Variants in KCNH1 observed in about 807,000 individuals in gnomAD.
KCNH1 encodes potassium voltage-gated channel subfamily H member 1.
KCNH1 carries 27 observed loss-of-function variants against 69.2 expected under a neutral mutation model. The observed-to-expected ratio is 0.39, with a 90% confidence interval of 0.29 to 0.54. KCNH1 has a LOEUF of 0.54. Ranked by LOEUF, KCNH1 falls within the 20% of genes least tolerant of loss-of-function variation. The pLI is 0.68. For synonymous variants in KCNH1, 456 were observed against 487.7 expected (o/e 0.93, Z 0.86); for missense variants, 798 against 1,261.6 (o/e 0.63, Z 5.57).
intron 5 of KCNH1, among the ~76,000 whole-genome samples, chr1:211,023,712 G>C (rs955315577): frequency 2.6e-5 from 4 of 151,906 alleles, no homozygotes; most frequent in Non-Finnish European, 5.9e-5. Context: ...ATTTCAGCTA[G>C]AGTAAAAAAA....
intron 7 of KCNH1, 140 bp from the exon 8 acceptor site, chr1:210,804,306 C>G (rs1438685765): frequency 7.4e-6 from 5 of 678,784 alleles, no homozygotes; most frequent in African/African-American, 3.6e-5. Flanking sequence ...TGACTATTCT[C>G]AGGAGACCCT....
chr1:210,716,829 T>C (rs753299932), intron 10 of KCNH1, among the ~76,000 whole-genome samples: 32 of 152,166 alleles, frequency 2.1e-4, no homozygotes, highest in Non-Finnish European at 4.3e-4. Context: ...CATACACTTA[T>C]AGATAATCAC....
chr1:210,848,618 C>A lies in KCNH1; in HGVS notation c.1463-44452G>T, dbSNP rs560446365. Reference sequence around the variant, plus strand: ...ATAAGTACCATCTTCTCTGTCCCATCTTTTGAATAACAGCATAAATCTGCG... The same window carrying A: ...ATAAGTACCATCTTCTCTGTCCCATATTTTGAATAACAGCATAAATCTGCG... On this transcript the variant is annotated intron_variant, in intron 7 of 10. Coordinates refer to ENST00000271751, the MANE Select transcript of KCNH1 (RefSeq NM_172362.3). Among the ~76,000 whole-genome samples the A allele has an allele frequency of 2.6e-5, 4 of 152,260 alleles. No individual in the cohort carries two copies. In the East Asian group the frequency reaches 7.7e-4, roughly 29 times the overall value.
In KCNH1 at chr1:210,956,191, G is replaced by A. The variant is rs914767395; in HGVS notation, c.1033-36122C>T. ...GGTTTATGTCGTTGGTTCTGTTTAT[G>A]TGATGGATTACGTTTACTGATTTGA... On this transcript the variant is annotated intron_variant, in intron 6 of 10. Transcript: ENST00000271751. 4.6e-5 allele frequency among the ~76,000 whole-genome samples: 7 copies of A among 152,280 alleles called. No individual in the cohort carries two copies. The East Asian group carries it at 1.3e-3, about 29-fold the overall frequency.
intron 6 of KCNH1, among the ~76,000 whole-genome samples, chr1:210,961,417 T>A (rs1688290294): frequency 6.6e-6 from 1 of 152,188 alleles, no homozygotes; most frequent in African/African-American, 2.4e-5. Flanking sequence ...TAATCCAGTA[T>A]AAAACCCATT....
At chr1:210,970,627 C>T (rs961477169) in intron 6 of KCNH1, among the ~76,000 whole-genome samples, 1 of 152,076 alleles carries the variant, frequency 6.6e-6, no homozygotes, top group Non-Finnish European at 1.5e-5. Context: ...ACACCTTATA[C>T]AAAAATTAAC....
chr1:210,969,379 A>G (rs1688470557), intron 6 of KCNH1, among the ~76,000 whole-genome samples: 2 of 152,052 alleles, frequency 1.3e-5, no homozygotes, highest in Admixed American at 1.3e-4. Flanking sequence ...AATAATATAT[A>G]TCTTGAAAAT....
intron 4 of KCNH1, among the ~76,000 whole-genome samples, chr1:211,086,636 A>C (rs747317039): frequency 3.3e-5 from 5 of 152,180 alleles, no homozygotes; most frequent in Non-Finnish European, 7.3e-5. Flanking sequence ...TCAGGAATGG[A>C]GAAATGGCTT....
intron 7 of KCNH1, among the ~76,000 whole-genome samples, chr1:210,862,535 T>A (rs544509782): frequency 1.3e-5 from 2 of 152,306 alleles, no homozygotes; most frequent in South Asian, 4.2e-4. Context: ...GGTCTCACTA[T>A]GTTGCCCAGG....
At chr1:211,022,204 C>T (rs1042803639) in intron 5 of KCNH1, among the ~76,000 whole-genome samples, 11 of 151,932 alleles carry the variant, frequency 7.2e-5, no homozygotes, top group Admixed American at 5.9e-4. Context: ...TCAACAAAGG[C>T]GCCAAGAATA....
At chr1:211,116,202 A>C (rs1222672139) in intron 1 of KCNH1, among the ~76,000 whole-genome samples, 1 of 152,208 alleles carries the variant, frequency 6.6e-6, no homozygotes, top group East Asian at 1.9e-4. Context: ...ATTTATATGG[A>C]ATGCTAAACT....
chr1:211,014,885 C>G (rs2102410714), intron 6 of KCNH1, among the ~76,000 whole-genome samples: 1 of 152,256 alleles, frequency 6.6e-6, no homozygotes, highest in African/African-American at 2.4e-5. Flanking sequence ...GGTGAGAAGA[C>G]AGCATATGGT....
chr1:211,069,425 G>T (rs1397388152), intron 5 of KCNH1, among the ~76,000 whole-genome samples: 1 of 151,922 alleles, frequency 6.6e-6, no homozygotes, highest in Admixed American at 6.6e-5. Context: ...ACCAGACCCA[G>T]GTATGGCAGG....
At chr1:210,991,149 T>C (rs995958328) in intron 6 of KCNH1, among the ~76,000 whole-genome samples, 2 of 152,256 alleles carry the variant, frequency 1.3e-5, no homozygotes, top group Admixed American at 6.5e-5. Flanking sequence ...GATATCTGCA[T>C]GCTCATCTTC....
intron 5 of KCNH1, among the ~76,000 whole-genome samples, chr1:211,081,136 C>T (rs551843446): frequency 6.6e-6 from 1 of 152,164 alleles, no homozygotes; most frequent in Middle Eastern, 3.2e-3. Context: ...AAACAAACAA[C>T]CCCATCAAAA....
chr1:210,974,560 CCTTT>C (rs2102370514), intron 6 of KCNH1, among the ~76,000 whole-genome samples: 1 of 122,038 alleles, frequency 8.2e-6, no homozygotes, highest in East Asian at 2.6e-4. Flanking sequence ...GTTTCTTCAT[CCTTT>C]TTTTTTTTTT....
intron 1 of KCNH1, among the ~76,000 whole-genome samples, chr1:211,112,126 CGTCTGGG>C (rs1691480152): frequency 9.4e-6 from 1 of 106,480 alleles, no homozygotes; most frequent in Non-Finnish European, 2.3e-5. Flanking sequence ...GCCACCTCAC[CGTCTGGG>C]AAGTTGGAGC....
intron 6 of KCNH1, among the ~76,000 whole-genome samples, chr1:210,989,405 G>A (rs1343097882): frequency 6.6e-6 from 1 of 152,172 alleles, no homozygotes; most frequent in East Asian, 1.9e-4. Flanking sequence ...CCTCAGCTGG[G>A]ATATACGCAA....
intron 3 of KCNH1, among the ~76,000 whole-genome samples, chr1:211,099,945 T>C (rs1258242522): frequency 1.3e-5 from 2 of 152,130 alleles, no homozygotes; most frequent in Non-Finnish European, 2.9e-5. Context: ...ACTATCATTT[T>C]GTTGTCAGAG....
Sources: gnomAD v4.1 joint callset for allele counts (sites outside exome capture counted in the v4.1 genomes callset) on GRCh38, gnomAD v4.1.1 for gene constraint, MANE v1.5 for transcripts, NCBI Gene and HGNC (gene_info 2026-07-23, HGNC 2026-07-21) for gene names.